RYR2: variants seen among roughly 807,000 people sequenced by gnomAD.
RYR2 encodes cardiac muscle ryanodine receptor-calcium release channel.
In RYR2, 227 loss-of-function variants were observed where a neutral mutation model predicts 601.1. The ratio of observed to expected loss-of-function variants is 0.38; its 90% confidence interval spans 0.34 to 0.42. RYR2 has a LOEUF of 0.42. RYR2 is among the 10% of genes least tolerant of loss of function. The pLI is 1.00. For synonymous variants in RYR2, 2,223 were observed against 2,175.1 expected, an observed-to-expected ratio of 1.02 and a Z score of -0.61; for missense variants, 4,646 against 6,156.5, an observed-to-expected ratio of 0.75 and a Z score of 8.21.
At chr1:237,453,404 A>G (rs1320657084) in intron 14 of RYR2, among the ~76,000 whole-genome samples, 2 of 152,140 alleles carry the variant, frequency 1.3e-5, no homozygotes, top group Non-Finnish European at 2.9e-5. Context: ...ATTTTTTAAA[A>G]CTATAAAGTT....
At chr1:237,122,179 G>A (rs929761309) in intron 1 of RYR2, among the ~76,000 whole-genome samples, 2 of 152,232 alleles carry the variant, frequency 1.3e-5, no homozygotes, top group East Asian at 1.9e-4. Context: ...ATGCCGAGGG[G>A]AATGATCCAG....
intron 10 of RYR2, among the ~76,000 whole-genome samples, chr1:237,403,705 C>T (rs534362923): frequency 6.6e-6 from 1 of 152,274 alleles, no homozygotes; most frequent in African/African-American, 2.4e-5. Flanking sequence ...GGATTGCAGG[C>T]ATGAGCTACT....
rs146538998 is a variant in RYR2 at position 237,673,960 on chromosome 1, C to T, written c.8591-136C>T. ...ATTGAAACATTAAAGGCAGTAGAGGCAGAAGAGTCTTATATGCTCTATGTA... is the reference window on the plus strand; with the variant it reads ...ATTGAAACATTAAAGGCAGTAGAGGTAGAAGAGTCTTATATGCTCTATGTA... On this transcript the variant is annotated intron_variant, in intron 58 of 104. Coordinates refer to ENST00000366574, the MANE Select transcript of RYR2 (RefSeq NM_001035.3). The T allele has an allele frequency of 1.7e-3, 988 of 573,386 alleles. 8 individuals are homozygous for T. The highest frequency in any genetic ancestry group is 0.017 in the African/African-American group (901 of 53,418). The allele number at this position is 573,386 out of a possible 1,614,324, so 35.5% of individuals were successfully genotyped here. A position where few individuals can be genotyped will look rare whatever the true frequency, so the allele number is the denominator to read the frequency against.
At chr1:237,811,471 C>T (rs1348190992) in intron 100 of RYR2, among the ~76,000 whole-genome samples, 2 of 152,172 alleles carry the variant, frequency 1.3e-5, no homozygotes, top group South Asian at 2.1e-4. Context: ...GAGCTTCAGA[C>T]AAGATTGTCA....
chr1:237,187,349 A>G (rs1191156727), intron 1 of RYR2, among the ~76,000 whole-genome samples: 1 of 150,690 alleles, frequency 6.6e-6, no homozygotes, highest in East Asian at 2.0e-4. Context: ...CATGTTGGCC[A>G]GGATGGTTGT....
rs984707393 is a variant in RYR2, at chr1:237,207,188, C to T, written c.49-63309C>T. ...AAAAATAATTCAGGGGTTGCCAATG[C>T]GATAGTATTAAGAGGTAGGGCCTTT... On this transcript the variant is annotated intron_variant, in intron 1 of 104. Coordinates refer to ENST00000366574, the MANE Select transcript of RYR2 (RefSeq NM_001035.3). Among the ~76,000 whole-genome samples, 7 of 151,042 alleles carry T rather than the reference C, an allele frequency of 4.6e-5. 1 individual carries two copies. Among genetic ancestry groups the T allele is most frequent in the East Asian group, 1.9e-4 (1 of 5,170 alleles).
chr1:237,244,449 G>A (rs1375754311), intron 1 of RYR2, among the ~76,000 whole-genome samples: 1 of 152,052 alleles, frequency 6.6e-6, no homozygotes, highest in Non-Finnish European at 1.5e-5. Context: ...CACGTGTAGA[G>A]TAAGGAGCAG....
intron 7 of RYR2, among the ~76,000 whole-genome samples, chr1:237,375,206 T>G (rs1377843180): frequency 6.6e-6 from 1 of 152,222 alleles, no homozygotes; most frequent in Non-Finnish European, 1.5e-5. Flanking sequence ...AAAGTCTCCT[T>G]AATTTCTCTG....
intron 79 of RYR2, among the ~76,000 whole-genome samples, chr1:237,739,275 A>G (rs16835677): frequency 0.026 from 3,929 of 152,184 alleles, 169 homozygotes; most frequent in African/African-American, 0.088. Flanking sequence ...CCCTACTCCT[A>G]TCATATATAC....
intron 96 of RYR2, among the ~76,000 whole-genome samples, chr1:237,795,849 T>TATAC: frequency 8.7e-6 from 1 of 115,436 alleles, no homozygotes; most frequent in East Asian, 2.6e-4. Flanking sequence ...TATATATATA[T>TATAC]GTATATGTAT....
intron 16 of RYR2, among the ~76,000 whole-genome samples, chr1:237,466,692 G>A (rs190816761): frequency 1.4e-4 from 22 of 151,762 alleles, no homozygotes; most frequent in Middle Eastern, 6.8e-3. Flanking sequence ...TATTTCAAAA[G>A]ACGTATTTAC....
chr1:237,785,443 C>G (rs1695472420), intron 90 of RYR2, among the ~76,000 whole-genome samples: 1 of 152,140 alleles, frequency 6.6e-6, no homozygotes, highest in African/African-American at 2.4e-5. Flanking sequence ...ACAGACACCA[C>G]TGGGTATCAT....
intron 25 of RYR2, among the ~76,000 whole-genome samples, chr1:237,542,482 G>T (rs1431838224): frequency 6.6e-6 from 1 of 152,198 alleles, no homozygotes; most frequent in Non-Finnish European, 1.5e-5. Flanking sequence ...GTACTCACCT[G>T]ATAGGGAGGT....
chr1:237,410,506 A>G (rs55813028), intron 10 of RYR2, among the ~76,000 whole-genome samples: 1 of 152,182 alleles, frequency 6.6e-6, no homozygotes, highest in Non-Finnish European at 1.5e-5. Flanking sequence ...TCAAGGCAGT[A>G]GGTCAAATCC....
intron 60 of RYR2, among the ~76,000 whole-genome samples, chr1:237,677,593 A>G (rs1685514386): frequency 6.6e-6 from 1 of 152,134 alleles, no homozygotes; most frequent in Admixed American, 6.6e-5. Context: ...TAAATTGAGA[A>G]GCTTTAACTT....
At chr1:237,547,363 C>T (rs141673930) in intron 25 of RYR2, among the ~76,000 whole-genome samples, 2 of 152,204 alleles carry the variant, frequency 1.3e-5, no homozygotes, top group African/African-American at 4.8e-5. Context: ...AATTTTGTAA[C>T]TTAGCATAAT....
intron 1 of RYR2, among the ~76,000 whole-genome samples, chr1:237,072,962 A>C (rs1014024708): frequency 3.3e-5 from 5 of 151,446 alleles, no homozygotes; most frequent in East Asian, 1.9e-4. Context: ...AAAAAAAAAA[A>C]AACAAAAACT....
At chr1:237,801,816 A>C (rs1226184057) in intron 97 of RYR2, 40 bp from the exon 98 acceptor site, 3 of 1,322,528 alleles carry the variant, frequency 2.3e-6, no homozygotes, top group Non-Finnish European at 3.2e-6. Context: ...GTCTTTGGTT[A>C]ATGTGCATAA....
intron 87 of RYR2, among the ~76,000 whole-genome samples, chr1:237,774,193 A>C (rs1202408316): frequency 6.6e-6 from 1 of 151,764 alleles, no homozygotes; most frequent in Non-Finnish European, 1.5e-5. Flanking sequence ...TTCTGCAATC[A>C]CCAAAACTTT....
Sources: allele counts gnomAD v4.1 joint callset (sites outside exome capture counted in the v4.1 genomes callset), GRCh38; gene constraint gnomAD v4.1.1; transcripts MANE v1.5; gene names NCBI Gene and HGNC (gene_info 2026-07-23, HGNC 2026-07-21).